The following RAB7A variants were observed in gnomAD, a reference collection of about 807,000 sequenced individuals.
RAB7A encodes ras-related protein Rab-7a.
Under a neutral mutation model 24.5 loss-of-function variants are expected in RAB7A, and 2 were observed. That is an observed-to-expected ratio of 0.08 (90% CI 0.03 to 0.26). The LOEUF (loss-of-function observed/expected upper bound fraction) is 0.26. Among genes scored for constraint, RAB7A ranks in the 10% least tolerant of loss-of-function variants. RAB7A has a pLI of 1.00. For synonymous variants in RAB7A, 100 were observed against 95.9 expected (o/e 1.04, Z -0.25); for missense variants, 118 against 255.7 (o/e 0.46, Z 3.67).
intron 1 of RAB7A, among the ~76,000 whole-genome samples, chr3:128,773,340 T>C (rs1016416801): frequency 6.7e-6 from 1 of 149,338 alleles, no homozygotes; most frequent in African/African-American, 2.5e-5. Context: ...ATCTGAGAAG[T>C]GAGGAGCCCC....
At chr3:128,808,226 G>A (rs1174366106) in intron 5 of RAB7A, among the ~76,000 whole-genome samples, 1 of 152,098 alleles carries the variant, frequency 6.6e-6, no homozygotes, top group Non-Finnish European at 1.5e-5. Flanking sequence ...CAGACCTGGT[G>A]GTGGTCGCCA....
rs1479202728 is a variant in RAB7A, at chr3:128,760,857, C to G, written c.-9+34498C>G. On this transcript the variant is annotated intron_variant, in intron 1 of 5. Coordinates refer to ENST00000265062, the MANE Select transcript of RAB7A (RefSeq NM_004637.6). Reference sequence around the variant, plus strand: ...GTCATTTCCACTGCCGGTCCCATAGCGACTTCAGTTAAGGTATAGACCTAT... The same window carrying G: ...GTCATTTCCACTGCCGGTCCCATAGGGACTTCAGTTAAGGTATAGACCTAT... 2.0e-5 allele frequency among the ~76,000 whole-genome samples: 3 copies of G among 152,184 alleles called. No homozygotes were observed. In the East Asian group the frequency reaches 5.8e-4, roughly 29 times the overall value.
chr3:128,765,298 G>A (rs763357458), intron 1 of RAB7A, among the ~76,000 whole-genome samples: 2 of 152,104 alleles, frequency 1.3e-5, no homozygotes, highest in Admixed American at 6.6e-5. Context: ...CTCTGCTAGC[G>A]ATACTGTGTT....
At chr3:128,763,208 A>ATATATATATATTTTT (rs373993932) in intron 1 of RAB7A, among the ~76,000 whole-genome samples, 26 of 76,050 alleles carry the variant, frequency 3.4e-4, no homozygotes, top group African/African-American at 1.6e-3. Flanking sequence ...ATATATATAT[A>ATATATATATATTTTT]TTTTTTTTTT....
intron 1 of RAB7A, among the ~76,000 whole-genome samples, chr3:128,782,120 G>A (rs1316468915): frequency 6.6e-6 from 1 of 152,162 alleles, no homozygotes; most frequent in Non-Finnish European, 1.5e-5. Flanking sequence ...AGTATAATTA[G>A]CAGTCTTCCT....
chr3:128,763,393 A>G (rs1417195984), intron 1 of RAB7A, among the ~76,000 whole-genome samples: 1 of 150,170 alleles, frequency 6.7e-6, no homozygotes, highest in Admixed American at 6.6e-5. Flanking sequence ...TTTTTTTTGT[A>G]TTTTTAGTAG....
chr3:128,801,092 GA>G (rs920846285), intron 3 of RAB7A, among the ~76,000 whole-genome samples: 3 of 152,202 alleles, frequency 2.0e-5, no homozygotes, highest in Admixed American at 1.3e-4. Flanking sequence ...GGTAATTCCA[GA>G]GTGTTTTTTG....
At chr3:128,777,632 T>C (rs1447129448) in intron 1 of RAB7A, among the ~76,000 whole-genome samples, 1 of 152,234 alleles carries the variant, frequency 6.6e-6, no homozygotes, top group Non-Finnish European at 1.5e-5. Flanking sequence ...GAAAACTTTG[T>C]GTTACACAGA....
At chr3:128,756,446 TAGTA>T (rs764550148) in intron 1 of RAB7A, among the ~76,000 whole-genome samples, 1 of 151,156 alleles carries the variant, frequency 6.6e-6, no homozygotes, top group Non-Finnish European at 1.5e-5. Flanking sequence ...AAGAATAAAA[TAGTA>T]AATTAGGTAG....
At chr3:128,807,256 C>T (rs527386737) in intron 4 of RAB7A, among the ~76,000 whole-genome samples, 2 of 152,274 alleles carry the variant, frequency 1.3e-5, no homozygotes, top group Admixed American at 1.3e-4. Flanking sequence ...GGACTGGCTT[C>T]TTACTCCATT....
At chr3:128,792,245 G>GT (rs1229283841) in intron 1 of RAB7A, among the ~76,000 whole-genome samples, 33 of 151,836 alleles carry the variant, frequency 2.2e-4, no homozygotes, top group East Asian at 5.8e-4. Flanking sequence ...TGTATTTCCT[G>GT]TTTTTTTTCT....
chr3:128,783,917 C>G (rs192324376), intron 1 of RAB7A, among the ~76,000 whole-genome samples: 1 of 152,316 alleles, frequency 6.6e-6, no homozygotes, highest in East Asian at 1.9e-4. Context: ...TTCAGTATTT[C>G]TGCTGGTAGT....
chr3:128,807,373 A>C (rs910753351), intron 4 of RAB7A, among the ~76,000 whole-genome samples, 170 bp from the exon 5 acceptor site: 1 of 152,116 alleles, frequency 6.6e-6, no homozygotes, highest in Non-Finnish European at 1.5e-5. Context: ...CATAGCTAGC[A>C]GGACAAGTTT....
At chr3:128,746,852 A>G (rs987956116) in intron 1 of RAB7A, among the ~76,000 whole-genome samples, 1 of 151,574 alleles carries the variant, frequency 6.6e-6, no homozygotes, top group East Asian at 1.9e-4. Flanking sequence ...TTAAGATTCA[A>G]CACATTGGTG....
chr3:128,806,470 C>G lies in RAB7A; in HGVS notation c.279C>G (p.Pro93=), dbSNP rs1933805350. 1 of 1,613,904 alleles carries G rather than the reference C, an allele frequency of 6.2e-7. No individual in the cohort carries two copies. Residue 93 remains proline (P), a synonymous_variant, in exon 4 of 6, where the codon CCC becomes CCG. Transcript: ENST00000265062. ...CCVLVFDVTA[P]NTFKTLDSWR... Reference sequence around the variant, plus strand: ...TTCTGGTATTTGATGTGACTGCCCCCAACACATTCAAAACCCTAGATAGCT... The same window carrying G: ...TTCTGGTATTTGATGTGACTGCCCCGAACACATTCAAAACCCTAGATAGCT...
intron 5 of RAB7A, 135 bp from the exon 6 acceptor site, chr3:128,813,192 C>A: frequency 1.2e-6 from 1 of 835,410 alleles, no homozygotes; most frequent in Non-Finnish European, 2.1e-6. Flanking sequence ...ACTGTGTGGG[C>A]AGGCTCTGCT....
At chr3:128,780,251 A>G (rs1458009923) in intron 1 of RAB7A, among the ~76,000 whole-genome samples, 1 of 152,200 alleles carries the variant, frequency 6.6e-6, no homozygotes, top group Non-Finnish European at 1.5e-5. Context: ...TGGGGATGCA[A>G]AAAGTCAGAC....
intron 2 of RAB7A, among the ~76,000 whole-genome samples, chr3:128,797,195 A>G (rs1286263157): frequency 6.6e-6 from 1 of 152,200 alleles, no homozygotes; most frequent in Non-Finnish European, 1.5e-5. Flanking sequence ...TCTGGGTTGG[A>G]AAACACTGCC....
chr3:128,795,504 C>A, intron 2 of RAB7A, 84 bp downstream of exon 2: 2 of 1,309,280 alleles, frequency 1.5e-6, no homozygotes, highest in South Asian at 2.4e-5. Context: ...CGTGCTGCCA[C>A]TTCTTGCTTT....
Sources: gnomAD v4.1 joint callset for allele counts (sites outside exome capture counted in the v4.1 genomes callset) on GRCh38, gnomAD v4.1.1 for gene constraint, MANE v1.5 for transcripts, NCBI Gene and HGNC (gene_info 2026-07-23, HGNC 2026-07-21) for gene names.